Variants in ATP2B1 observed in about 807,000 individuals in gnomAD.
ATP2B1 encodes the protein plasma membrane calcium-transporting ATPase 1.
ATP2B1 carries 14 observed loss-of-function variants against 124.2 expected under a neutral mutation model. The observed-to-expected ratio is 0.11, with a 90% CI of 0.07 to 0.18. ATP2B1 has a LOEUF of 0.18. ATP2B1 is among the 10% of genes least tolerant of loss of function. ATP2B1 has a pLI of 1.00. For missense variants in ATP2B1, 763 were observed against 1,466.1 expected, an observed-to-expected ratio of 0.52 and a Z score of 7.83; for synonymous variants, 449 against 492.4, an observed-to-expected ratio of 0.91 and a Z score of 1.17.
Position 89,694,709 on chromosome 12 carries a change from T to C in ATP2B1, c.-222+13887A>G, listed in dbSNP as rs551197246. The stretch of plus-strand genomic sequence containing the variant: ...AAGTACAAACAGAGCTCAGCACAAC[T>C]TAGAAAACCCTCCAAATGTAATTGT... On this transcript the variant is annotated intron_variant, in intron 1 of 20. Transcript: ENST00000428670. Among the ~76,000 whole-genome samples, 3 of 152,196 alleles carry C rather than the reference T, an allele frequency of 2.0e-5. No individual in the cohort carries two copies. In the South Asian group the frequency reaches 6.2e-4, roughly 32 times the overall value.
At chr12:89,618,369 C>T (rs2254781) in intron 11 of ATP2B1, among the ~76,000 whole-genome samples, 145,189 of 152,274 alleles carry the variant, frequency 0.95, 69,276 homozygotes, top group East Asian at 0.99. Context: ...GGTCATCACC[C>T]GCTTTCTCAG....
intron 1 of ATP2B1, among the ~76,000 whole-genome samples, chr12:89,683,393 A>T (rs1254097545): frequency 6.6e-6 from 1 of 152,190 alleles, no homozygotes; most frequent in Non-Finnish European, 1.5e-5. Context: ...CTTCTGTCTG[A>T]CTGTCTTGGA....
intron 5 of ATP2B1, among the ~76,000 whole-genome samples, chr12:89,631,853 C>T (rs1263469923): frequency 6.6e-6 from 1 of 151,572 alleles, no homozygotes; most frequent in Non-Finnish European, 1.5e-5. Flanking sequence ...ATGTGTTGCC[C>T]AGGCTGGTCT....
At chr12:89,664,593 G>C (rs754273063) in intron 1 of ATP2B1, among the ~76,000 whole-genome samples, 1 of 152,208 alleles carries the variant, frequency 6.6e-6, no homozygotes, top group Non-Finnish European at 1.5e-5. Flanking sequence ...TTAAACTTCA[G>C]CATGCATCAG....
At chr12:89,694,625 G>A (rs970193962) in intron 1 of ATP2B1, among the ~76,000 whole-genome samples, 6 of 152,168 alleles carry the variant, frequency 3.9e-5, no homozygotes, top group Non-Finnish European at 2.9e-5. Flanking sequence ...GAGACAGGAG[G>A]AGCAAGTCCA....
Position 89,630,582 on chromosome 12 carries a change from G to C in ATP2B1, c.851C>G (p.Thr284Ser). The C allele has an allele frequency of 6.2e-7, 1 of 1,600,324 alleles. No individual in the cohort carries two copies. The highest frequency in any genetic ancestry group is 8.5e-7 in the Non-Finnish European group (1 of 1,172,830). The change falls in exon 6 of 21, where the codon ACT (threonine) becomes AGT (serine). Residue 284 changes from threonine to serine, a missense_variant. Physicochemically the swap from Thr to Ser is moderately conservative, Grantham distance 58. Coordinates refer to ENST00000428670, the MANE Select transcript of ATP2B1 (RefSeq NM_001366521.1). ...VVTAVGVNSQ[T>S]GIIFTLLGAG... ...TCCAAGTAAGGTAAAGATAATTCCAGTTTGAGAATTTACACCTACAGCTGT... is the reference window on the plus strand; with the variant it reads ...TCCAAGTAAGGTAAAGATAATTCCACTTTGAGAATTTACACCTACAGCTGT...
chr12:89,665,239 TA>T (rs1417053379), intron 1 of ATP2B1, among the ~76,000 whole-genome samples: 1 of 152,216 alleles, frequency 6.6e-6, no homozygotes, highest in African/African-American at 2.4e-5. Flanking sequence ...AGTATACTAA[TA>T]TTTTTCCATT....
At chr12:89,676,819 T>C (rs1287188878) in intron 1 of ATP2B1, among the ~76,000 whole-genome samples, 1 of 152,176 alleles carries the variant, frequency 6.6e-6, no homozygotes, top group Admixed American at 6.5e-5. Flanking sequence ...TACTTATCCT[T>C]CTAAATTCTC....
Position 89,591,193 on chromosome 12 carries a change from T to C in ATP2B1, c.3454A>G (p.Ile1152Val). 6.2e-7 allele frequency: 1 copy of C among 1,613,344 alleles called. No homozygotes were observed. The highest frequency in any genetic ancestry group is 1.1e-5 in the South Asian group (1 of 91,074). Reference protein sequence around the residue: ...HNFMTHPEFRIEDSEPHIPLI... With the variant: ...HNFMTHPEFRVEDSEPHIPLI... The stretch of plus-strand genomic sequence containing the variant: ...GGGATATGAGGCTCTGAATCTTCTA[T>C]CCTAAACTCAGGATGTGTCATAAAG... The change falls in exon 21 of 21, where the codon ATA (isoleucine) becomes GTA (valine). Residue 1152 changes from isoleucine to valine, a missense_variant. By Grantham distance (29) the Ile-to-Val change is conservative (BLOSUM62 3). Transcript: ENST00000428670.
chr12:89,614,831 T>C (rs1878674886), intron 12 of ATP2B1, among the ~76,000 whole-genome samples: 1 of 152,124 alleles, frequency 6.6e-6, no homozygotes, highest in Non-Finnish European at 1.5e-5. Context: ...TTTGAAATCA[T>C]TCTTTTCTTT....
chr12:89,656,529 C>T (rs1007546999), intron 1 of ATP2B1, among the ~76,000 whole-genome samples: 1 of 152,184 alleles, frequency 6.6e-6, no homozygotes, highest in Non-Finnish European at 1.5e-5. Context: ...TAACAAATGG[C>T]TGAAATGTCT....
chr12:89,606,067 C>G (rs555110966), intron 15 of ATP2B1, among the ~76,000 whole-genome samples: 21 of 146,608 alleles, frequency 1.4e-4, no homozygotes, highest in African/African-American at 5.0e-4. Context: ...TACAGTAGAC[C>G]ACACAGATCA....
chr12:89,673,261 T>C (rs1888215020), intron 1 of ATP2B1, among the ~76,000 whole-genome samples: 1 of 152,238 alleles, frequency 6.6e-6, no homozygotes, highest in Admixed American at 6.5e-5. Context: ...AGGGAAATAT[T>C]ATATGCAACA....
intron 15 of ATP2B1, among the ~76,000 whole-genome samples, chr12:89,607,476 G>A (rs1254636361): frequency 6.6e-6 from 1 of 152,190 alleles, no homozygotes; most frequent in African/African-American, 2.4e-5. Context: ...GAATTTTTAG[G>A]AGACAGCAAC....
At chr12:89,683,764 C>T (rs947034629) in intron 1 of ATP2B1, among the ~76,000 whole-genome samples, 8 of 152,120 alleles carry the variant, frequency 5.3e-5, no homozygotes, top group Admixed American at 3.3e-4. Flanking sequence ...TATGCAGTAA[C>T]GGATTGCTAG....
chr12:89,662,758 C>T (rs1886861168), intron 1 of ATP2B1, among the ~76,000 whole-genome samples: 1 of 151,894 alleles, frequency 6.6e-6, no homozygotes, highest in Non-Finnish European at 1.5e-5. Context: ...TCTGTGTTGA[C>T]TAAAATTAGT....
intron 1 of ATP2B1, among the ~76,000 whole-genome samples, chr12:89,687,628 C>A (rs187858498): frequency 1.4e-4 from 21 of 152,108 alleles, no homozygotes; most frequent in Middle Eastern, 6.8e-3. Context: ...GTCAAATCAC[C>A]TAGTGTCTTT....
At chr12:89,621,822 A>T (rs746201670) in intron 9 of ATP2B1, 31 bp from the exon 10 acceptor site, 2 of 1,497,056 alleles carry the variant, frequency 1.3e-6, no homozygotes, top group Non-Finnish European at 1.8e-6. Flanking sequence ...AAACTAGTTA[A>T]GCTGCATATA....
chr12:89,592,134 T>C (rs1181443462), intron 20 of ATP2B1, among the ~76,000 whole-genome samples: 1 of 151,996 alleles, frequency 6.6e-6, no homozygotes, highest in African/African-American at 2.4e-5. Context: ...GCTGTATAAA[T>C]GAAAAAGATT....
Sources: gnomAD v4.1 joint callset for allele counts (sites outside exome capture counted in the v4.1 genomes callset) on GRCh38, gnomAD v4.1.1 for gene constraint, MANE v1.5 for transcripts, NCBI Gene and HGNC (gene_info 2026-07-23, HGNC 2026-07-21) for gene names.